CPE: variants seen among roughly 807,000 people sequenced by gnomAD.
CPE encodes carboxypeptidase E, also known as carbocypeptidase E.
Under a neutral mutation model 53.5 loss-of-function variants are expected in CPE, and 17 were observed. The observed-to-expected ratio is 0.32, with a 90% CI of 0.22 to 0.48. The LOEUF (loss-of-function observed/expected upper bound fraction) is 0.48, where lower values mean the gene tolerates loss of function less well. Ranked by LOEUF, CPE falls within the 20% of genes least tolerant of loss-of-function variation. CPE has a pLI of 0.99. For missense variants in CPE, 524 were observed against 614.7 expected (o/e 0.85, Z 1.56); for synonymous variants, 226 against 228.8 (o/e 0.99, Z 0.11).
At chr4:165,389,149 A>G (rs749025476) in intron 1 of CPE, among the ~76,000 whole-genome samples, 2 of 152,218 alleles carry the variant, frequency 1.3e-5, no homozygotes, top group Non-Finnish European at 2.9e-5. Flanking sequence ...ATACTATTAC[A>G]TAGATATATA....
At chr4:165,404,269 T>C in intron 1 of CPE, 1 of 768,390 alleles carries the variant, frequency 1.3e-6, no homozygotes, top group Non-Finnish European at 2.4e-6. Flanking sequence ...CCTCTGCAGG[T>C]GTGGCCAAGA....
intron 3 of CPE, among the ~76,000 whole-genome samples, chr4:165,469,466 C>T (rs1732165921): frequency 6.6e-6 from 1 of 152,118 alleles, no homozygotes; most frequent in Non-Finnish European, 1.5e-5. Flanking sequence ...TCAACTCATA[C>T]CAACTCTTTT....
intron 1 of CPE, chr4:165,406,273 G>GTA: frequency 1.6e-6 from 1 of 620,948 alleles, no homozygotes; most frequent in Admixed American, 2.1e-5. Context: ...AAATTGCGGC[G>GTA]TATATAACCT....
At chr4:165,456,101 T>C (rs1731896890) in intron 1 of CPE, among the ~76,000 whole-genome samples, 2 of 152,236 alleles carry the variant, frequency 1.3e-5, no homozygotes, top group African/African-American at 4.8e-5. Flanking sequence ...ATGGAAATTA[T>C]ATTGCCTTTT....
chr4:165,457,931 C>G (rs913619131), intron 1 of CPE, among the ~76,000 whole-genome samples: 1 of 152,112 alleles, frequency 6.6e-6, no homozygotes, highest in African/African-American at 2.4e-5. Context: ...ACTTGCATTT[C>G]CTTTAGGAAT....
At chr4:165,421,460 T>C (rs1731219476) in intron 1 of CPE, among the ~76,000 whole-genome samples, 4 of 152,172 alleles carry the variant, frequency 2.6e-5, no homozygotes, top group Non-Finnish European at 5.9e-5. Flanking sequence ...GTCTTCTGTG[T>C]CTTGCTGACA....
Position 165,379,231 on chromosome 4 carries a change from C to A in CPE, c.10C>A (p.Arg4=), listed in dbSNP as rs1434979322. Residue 4 remains arginine, a synonymous_variant, in exon 1 of 9, where the codon CGA becomes AGA. Coordinates refer to ENST00000402744, the MANE Select transcript of CPE (RefSeq NM_001873.4). This position sits in a 1 kb window ranked among gnomAD's most constrained non-coding sequence, Gnocchi z 6.0. Reference sequence around the variant, plus strand: ...GCGGCGGAGCGCAGCGATGGCCGGGCGAGGGGGCAGCGCGCTGCTGGCTCT... The same window carrying A: ...GCGGCGGAGCGCAGCGATGGCCGGGAGAGGGGGCAGCGCGCTGCTGGCTCT... MAG[R]GGSALLALCG... 8.1e-7 allele frequency: 1 copy of A among 1,238,472 alleles called. No homozygotes were observed. Among genetic ancestry groups the A allele is most frequent in the African/African-American group, 1.6e-5 (1 of 64,056 alleles). The allele number at this position is 1,238,472 out of a possible 1,614,324, so 76.7% of individuals were successfully genotyped here.
At chr4:165,388,006 A>G (rs1186569975) in intron 1 of CPE, among the ~76,000 whole-genome samples, 2 of 151,830 alleles carry the variant, frequency 1.3e-5, no homozygotes, top group African/African-American at 2.4e-5. Context: ...AATGTAGGCA[A>G]CTCCTCATAT....
chr4:165,418,565 G>A (rs557226023), intron 1 of CPE, among the ~76,000 whole-genome samples: 28 of 152,254 alleles, frequency 1.8e-4, no homozygotes, highest in African/African-American at 5.8e-4. Flanking sequence ...TGAGAGATGC[G>A]TTATTCCATT....
chr4:165,488,574 C>T (rs951685066), intron 6 of CPE, among the ~76,000 whole-genome samples: 5 of 152,074 alleles, frequency 3.3e-5, no homozygotes, highest in African/African-American at 1.2e-4. Flanking sequence ...CTGAATGTGG[C>T]CATTTACACC....
chr4:165,430,794 T>A (rs1298291767), intron 1 of CPE, among the ~76,000 whole-genome samples: 4 of 152,072 alleles, frequency 2.6e-5, no homozygotes, highest in African/African-American at 4.8e-5. Flanking sequence ...AATGAGACAA[T>A]GATTTAAGTT....
In CPE at chr4:165,459,680, G is replaced by T. The variant is rs1204191539; in HGVS notation, c.308-4710G>T. 3.1e-5 allele frequency among the ~76,000 whole-genome samples: 4 copies of T among 130,390 alleles called. No individual in the cohort carries two copies. The East Asian group carries it at 7.8e-4, about 25-fold the overall frequency. The allele number at this position is 130,390 out of a possible 152,430, so 85.5% of individuals were successfully genotyped here. A position where few individuals can be genotyped will look rare whatever the true frequency, so the allele number is the denominator to read the frequency against. On this transcript the variant is annotated intron_variant, in intron 1 of 8. Transcript: ENST00000402744. Reference sequence around the variant, plus strand: ...GCACTTTGGGAGGGCTGGGTGGGGGGGGGCGGGGCAGATCATGAGGTCAGG... The same window carrying T: ...GCACTTTGGGAGGGCTGGGTGGGGGTGGGCGGGGCAGATCATGAGGTCAGG...
At chr4:165,496,281 G>T (rs539316583) in intron 8 of CPE, among the ~76,000 whole-genome samples, 3 of 152,236 alleles carry the variant, frequency 2.0e-5, no homozygotes, top group South Asian at 2.1e-4. Context: ...TACTTGAAAA[G>T]AATTTATTAT....
chr4:165,396,377 G>T (rs1440855888), intron 1 of CPE, among the ~76,000 whole-genome samples: 1 of 152,176 alleles, frequency 6.6e-6, no homozygotes, highest in African/African-American at 2.4e-5. Flanking sequence ...GTTAAGATAG[G>T]CTGGTCATGG....
chr4:165,442,039 T>TTTTTG (rs1560883486), intron 1 of CPE, among the ~76,000 whole-genome samples: 2 of 101,618 alleles, frequency 2.0e-5, no homozygotes, highest in African/African-American at 9.9e-5. Context: ...TTTTTTTGTT[T>TTTTTG]TTTTTTTGTT....
intron 1 of CPE, among the ~76,000 whole-genome samples, chr4:165,412,177 T>C (rs912040245): frequency 6.6e-6 from 1 of 152,140 alleles, no homozygotes. Flanking sequence ...AAGCACATCA[T>C]GGAAAAGTTG....
At chr4:165,479,265 G>T (rs1227954955) in intron 3 of CPE, among the ~76,000 whole-genome samples, 1 of 151,982 alleles carries the variant, frequency 6.6e-6, no homozygotes, top group Non-Finnish European at 1.5e-5. Context: ...GTTATTTTTA[G>T]GTTGATTTAA....
intron 1 of CPE, among the ~76,000 whole-genome samples, chr4:165,402,698 C>A (rs1435129623): frequency 1.3e-5 from 2 of 152,190 alleles, no homozygotes; most frequent in African/African-American, 2.4e-5. Flanking sequence ...GTACAGCCTG[C>A]AGAACCGTGA....
At chr4:165,472,967 A>C (rs1402164719) in intron 3 of CPE, among the ~76,000 whole-genome samples, 1 of 152,216 alleles carries the variant, frequency 6.6e-6, no homozygotes, top group Non-Finnish European at 1.5e-5. Flanking sequence ...AGGACACTAG[A>C]CAGAAATGCA....
Sources: gnomAD v4.1 joint callset for allele counts (sites outside exome capture counted in the v4.1 genomes callset) on GRCh38, gnomAD v4.1.1 for gene constraint, Gnocchi (gnomAD v3.1) non-coding constraint, MANE v1.5 for transcripts, NCBI Gene and HGNC (gene_info 2026-07-23, HGNC 2026-07-21) for gene names.